Variants in KPNB1 observed in about 807,000 individuals in gnomAD.
The protein encoded by KPNB1 is importin subunit beta-1.
KPNB1 carries 7 observed loss-of-function variants against 113.0 expected under a neutral mutation model. That is an observed-to-expected ratio of 0.06 (90% CI 0.04 to 0.12). The LOEUF is 0.12. Ranked by LOEUF, KPNB1 falls within the 10% of genes least tolerant of loss-of-function variation. KPNB1 has a pLI of 1.00. For missense variants in KPNB1, 400 were observed against 1,054.8 expected (o/e 0.38, Z 8.60); for synonymous variants, 363 against 378.6 (o/e 0.96, Z 0.48).
chr17:47,675,361 G>GTTTTTGTTT lies in KPNB1; in HGVS notation c.1912+584_1912+585insGTTTTTTTT, dbSNP rs2030568124. 9.9e-4 allele frequency among the ~76,000 whole-genome samples: 88 copies of GTTTTTGTTT among 88,678 alleles called. 4 individuals carry two copies. The highest frequency in any genetic ancestry group is 3.8e-3 in the East Asian group (13 of 3,440). 58.2% of individuals were successfully genotyped at this position (88,678 alleles called of 152,430 possible). A position where few individuals can be genotyped will look rare whatever the true frequency, so the allele number is the denominator to read the frequency against. ...TGCAACGGAGATTGGCAGAGGTGTT[G>GTTTTTGTTT]TTTTTTTTTTGTTTTTTTTTTTTGT... is the stretch of plus-strand genomic sequence containing the variant. On this transcript the variant is annotated intron_variant, in intron 15 of 21. Coordinates refer to ENST00000290158, the MANE Select transcript of KPNB1 (RefSeq NM_002265.6).
At chr17:47,680,805 G>A (rs1359425414) in intron 21 of KPNB1, 136 bp downstream of exon 21, 12 of 818,288 alleles carry the variant, frequency 1.5e-5, no homozygotes, top group Non-Finnish European at 2.3e-5. Flanking sequence ...GTGCTTCTGA[G>A]TCAGGCAGCC....
chr17:47,662,608 G>A (rs182024739), intron 6 of KPNB1, among the ~76,000 whole-genome samples: 133 of 151,192 alleles, frequency 8.8e-4, no homozygotes, highest in African/African-American at 3.1e-3. Flanking sequence ...ATGGCCGGGC[G>A]CAGTGGCTCA....
intron 19 of KPNB1, among the ~76,000 whole-genome samples, chr17:47,679,596 A>G (rs1168087568): frequency 6.6e-6 from 1 of 152,248 alleles, no homozygotes; most frequent in Admixed American, 6.5e-5. Flanking sequence ...CTAGTTATCC[A>G]GCTTGGACCT....
chr17:47,650,539 ACCCCGCCCCATCCCGTC>A (rs1915513078), intron 2 of KPNB1, 95 bp downstream of exon 2: 1 of 844,098 alleles, frequency 1.2e-6, no homozygotes, highest in East Asian at 3.1e-5. Context: ...TCGGGAACCT[ACCCCGCCCCATCCCGTC>A]CCCCTCCCCC....
chr17:47,651,429 T>C (rs1242815267), intron 2 of KPNB1: 2 of 810,910 alleles, frequency 2.5e-6, no homozygotes, highest in Non-Finnish European at 3.0e-6. Flanking sequence ...CTTTGTGTTA[T>C]ATAGGCAAAA....
At chr17:47,650,867 C>A (rs1303339199) in intron 2 of KPNB1, among the ~76,000 whole-genome samples, 2 of 152,158 alleles carry the variant, frequency 1.3e-5, no homozygotes, top group South Asian at 4.1e-4. Context: ...GCTTCTCCTT[C>A]CTATCCCGTG....
At chr17:47,680,285 G>C (rs1383437897) in intron 20 of KPNB1, 151 bp downstream of exon 20, 4 of 749,898 alleles carry the variant, frequency 5.3e-6, no homozygotes, top group South Asian at 1.7e-5. Flanking sequence ...GTCCTGTTTT[G>C]AGTGTTCACA....
At chr17:47,650,568 T>TCCCCCTCCCC in intron 2 of KPNB1, 124 bp downstream of exon 2, 5 of 401,550 alleles carry the variant, frequency 1.2e-5, no homozygotes, top group African/African-American at 1.0e-4. Context: ...CCCTCCCCCC[T>TCCCCCTCCCC]CCCCCTCCCC....
intron 9 of KPNB1, among the ~76,000 whole-genome samples, chr17:47,666,453 T>TATATATATTTTATATA: frequency 7.3e-6 from 1 of 136,396 alleles, no homozygotes; most frequent in African/African-American, 3.1e-5. Flanking sequence ...TTTTATATAT[T>TATATATATTTTATATA]ATGTTATATA....
intron 14 of KPNB1, 179 bp downstream of exon 14, chr17:47,673,740 A>G: frequency 1.7e-6 from 1 of 599,604 alleles, no homozygotes; most frequent in Non-Finnish European, 3.0e-6. Context: ...CACCTGCCTT[A>G]CCTGTCTGTC....
intron 4 of KPNB1, 96 bp from the exon 5 acceptor site, chr17:47,658,412 A>T: frequency 7.3e-7 from 1 of 1,366,086 alleles, no homozygotes; most frequent in South Asian, 1.4e-5. Flanking sequence ...TTTCCTCTAA[A>T]TATTTTCAAT....
intron 10 of KPNB1, 130 bp from the exon 11 acceptor site, chr17:47,669,548 T>C: frequency 1.6e-6 from 1 of 620,036 alleles, no homozygotes; most frequent in Non-Finnish European, 2.9e-6. Flanking sequence ...CACCATGTCC[T>C]GTAAAATTAC....
At chr17:47,650,561 T>TCCCCCCTCCCCCTCCCCC in intron 2 of KPNB1, 117 bp downstream of exon 2, 2 of 403,534 alleles carry the variant, frequency 5.0e-6, no homozygotes, top group African/African-American at 5.5e-5. Flanking sequence ...CCCGTCCCCC[T>TCCCCCCTCCCCCTCCCCC]CCCCCCTCCC....
intron 2 of KPNB1, among the ~76,000 whole-genome samples, chr17:47,650,928 T>C (rs1207353179): frequency 6.6e-6 from 1 of 152,182 alleles, no homozygotes; most frequent in Non-Finnish European, 1.5e-5. Context: ...CTTTCCTAGC[T>C]ACCTTGGTCT....
At chr17:47,650,502 C>G in intron 2 of KPNB1, 58 bp downstream of exon 2, 1 of 1,505,400 alleles carries the variant, frequency 6.6e-7, no homozygotes. Flanking sequence ...CGTGCGGGGC[C>G]TTCCCGCCCT....
chr17:47,668,430 G>A lies in KPNB1; in HGVS notation c.1224+20G>A, dbSNP rs2030354818. ...ATACAGGTGAAACTGAGGGATTTTTGGAGTAGAAAGTAGGATATTTATTGT... is the reference window on the plus strand; with the variant it reads ...ATACAGGTGAAACTGAGGGATTTTTAGAGTAGAAAGTAGGATATTTATTGT... On this transcript the variant is annotated intron_variant, in intron 10 of 21. Coordinates refer to ENST00000290158, the MANE Select transcript of KPNB1 (RefSeq NM_002265.6). The A allele has an allele frequency of 6.3e-7, 1 of 1,576,354 alleles. No individual in the cohort carries two copies. The highest frequency in any genetic ancestry group is 1.3e-5 in the African/African-American group (1 of 74,112).
chr17:47,650,203 G>A lies in KPNB1; in HGVS notation c.-42G>A. 1.3e-6 allele frequency: 2 copies of A among 1,484,548 alleles called. No individual in the cohort carries two copies. The highest frequency in any genetic ancestry group is 3.0e-5 in the East Asian group (1 of 33,330). The allele number at this position is 1,484,548 out of a possible 1,614,324, so 92.0% of individuals were successfully genotyped here. ...TTCGAGCCGCCGCCCGAAAGGCCGG[G>A]CCGTCGTCTTAGGAGGAGTCGCCGC... On this transcript the variant is annotated 5_prime_UTR_variant, in exon 1 of 22. Coordinates refer to ENST00000290158, the MANE Select transcript of KPNB1 (RefSeq NM_002265.6).
At position 47,677,361 on chromosome 17, in the gene KPNB1, A is replaced by G. The variant is rs1482405814; in HGVS notation, c.2103+234A>G. Among the ~76,000 whole-genome samples, 3 of 150,918 alleles carry G rather than the reference A, an allele frequency of 2.0e-5. No homozygotes were observed. In the Admixed American group the frequency reaches 2.0e-4, roughly 10 times the overall value. On this transcript the variant is annotated intron_variant, in intron 17 of 21. Transcript: ENST00000290158. ...ATGGCAGGCGCTTGTAATCCCAGCT[A>G]CTCGGAAGGCTGAGGCAGGATAATC...
At chr17:47,664,335 C>CA in intron 8 of KPNB1, 66 bp downstream of exon 8, 1 of 1,039,948 alleles carries the variant, frequency 9.6e-7, no homozygotes, top group Non-Finnish European at 1.5e-6. Context: ...GATGATGTTC[C>CA]CCTTCTAGGA....
Sources: allele counts gnomAD v4.1 joint callset (sites outside exome capture counted in the v4.1 genomes callset), GRCh38; gene constraint gnomAD v4.1.1; transcripts MANE v1.5; gene names NCBI Gene and HGNC (gene_info 2026-07-23, HGNC 2026-07-21).